Variants in CHD6 observed in about 807,000 individuals in gnomAD.
CHD6 encodes the protein ATP-dependent chromatin remodeler CHD6.
A neutral mutation model predicts 276.9 loss-of-function variants in CHD6; 50 were observed. The ratio of observed to expected loss-of-function variants is 0.18; its 90% CI spans 0.14 to 0.23. CHD6 has a LOEUF of 0.23. Among genes scored for constraint, CHD6 ranks in the 10% least tolerant of loss-of-function variants. The pLI is 1.00. For synonymous variants in CHD6, 1,173 were observed against 1,229.3 expected, an observed-to-expected ratio of 0.95 and a Z score of 0.96; for missense variants, 2,564 against 3,365.8, an observed-to-expected ratio of 0.76 and a Z score of 5.89.
At chr20:41,483,019 T>C (rs2043329320) in intron 16 of CHD6, among the ~76,000 whole-genome samples, 1 of 152,182 alleles carries the variant, frequency 6.6e-6, no homozygotes, top group Non-Finnish European at 1.5e-5. Flanking sequence ...CTAATGCTAT[T>C]TGAATTATTT....
chr20:41,418,359 C>T (rs2145441767), intron 31 of CHD6, among the ~76,000 whole-genome samples: 1 of 152,226 alleles, frequency 6.6e-6, no homozygotes, highest in South Asian at 2.1e-4. Context: ...GTTAGAGAGT[C>T]TCTCGGAGGA....
Position 41,512,957 on chromosome 20 carries a change from G to C in CHD6, c.741C>G (p.Tyr247Ter). ...RSGRQVKRRK[Y>*]NEDLDFKVVD... is the part of the protein sequence containing the mutation. ...CCACTTTGAAGTCCAGGTCCTCATT[G>C]TATTTTCTGCGCTTTACTTGCCTTC... Residue 247 changes from tyrosine to a stop codon, truncating the protein, a stop_gained, in exon 5 of 37, where the codon TAC becomes TAG. Coordinates refer to ENST00000373233, the MANE Select transcript of CHD6 (RefSeq NM_032221.5). LOFTEE classifies it high-confidence loss of function. The C allele has an allele frequency of 6.2e-7, 1 of 1,614,040 alleles. No homozygotes were observed. The highest frequency in any genetic ancestry group is 8.5e-7 in the Non-Finnish European group (1 of 1,179,940).
chr20:41,575,640 C>T (rs1221453684), intron 1 of CHD6, among the ~76,000 whole-genome samples: 1 of 152,162 alleles, frequency 6.6e-6, no homozygotes, highest in Non-Finnish European at 1.5e-5. Context: ...AAACAAAAAA[C>T]ACCATTAACG....
intron 20 of CHD6, 116 bp from the exon 21 acceptor site, chr20:41,453,058 A>G (rs2048286647): frequency 3.9e-6 from 3 of 763,706 alleles, no homozygotes; most frequent in Non-Finnish European, 6.7e-6. Flanking sequence ...CTCATCCTCC[A>G]GCACGAAGGG....
At chr20:41,517,742 C>T (rs534963847) in intron 3 of CHD6, among the ~76,000 whole-genome samples, 1 of 152,264 alleles carries the variant, frequency 6.6e-6, no homozygotes, top group South Asian at 2.1e-4. Context: ...ATGAGGGAGC[C>T]AGGACAAATA....
chr20:41,593,869 T>A (rs1436646842), intron 1 of CHD6, among the ~76,000 whole-genome samples: 1 of 152,120 alleles, frequency 6.6e-6, no homozygotes, highest in Non-Finnish European at 1.5e-5. Context: ...CCTGCTGACA[T>A]CTTGATCTTG....
chr20:41,522,577 C>A (rs1291578683), intron 3 of CHD6, among the ~76,000 whole-genome samples: 2 of 152,080 alleles, frequency 1.3e-5, no homozygotes, highest in Non-Finnish European at 2.9e-5. Context: ...GAAAGACACA[C>A]TGATGTATTT....
intron 5 of CHD6, among the ~76,000 whole-genome samples, chr20:41,505,222 G>T (rs1305610955): frequency 6.6e-6 from 1 of 152,154 alleles, no homozygotes; most frequent in East Asian, 1.9e-4. Flanking sequence ...GTATTTTGTG[G>T]TAGGTCCATT....
rs200486940 is a variant in CHD6 at position 41,420,730 on chromosome 20, T to C, written c.5905A>G (p.Lys1969Glu). The stretch of plus-strand genomic sequence containing the variant: ...ATGGCGATAGTATTGGTTTTACTTT[T>C]GAACAGATCTGGGATATAAGCCTTG... The part of the protein sequence containing the change: ...KPKAYIPDLF[K>E]SKTNTIAMEG... The change falls in exon 31 of 37, where the codon AAA becomes GAA. Residue 1969 changes from lysine (K) to glutamate (E), a missense_variant. Around this residue, in one of 7 missense-constraint regions of CHD6, gnomAD observed 1,024 missense variants for 1,047.9 expected, o/e 0.98. Transcript: ENST00000373233. The C allele has an allele frequency of 1.2e-6, 2 of 1,614,144 alleles. No homozygotes were observed. The highest frequency in any genetic ancestry group is 2.7e-5 in the African/African-American group (2 of 74,946).
At chr20:41,480,153 C>T (rs924706053) in intron 16 of CHD6, among the ~76,000 whole-genome samples, 2 of 152,142 alleles carry the variant, frequency 1.3e-5, no homozygotes, top group African/African-American at 4.8e-5. Flanking sequence ...ACATGGAATC[C>T]ACCAACAAGA....
chr20:41,507,863 A>G (rs965672001), intron 5 of CHD6, among the ~76,000 whole-genome samples: 7 of 152,174 alleles, frequency 4.6e-5, no homozygotes, highest in Admixed American at 2.0e-4. Context: ...ACTTCTATTT[A>G]GCAAACCATA....
At chr20:41,520,000 A>C (rs955935506) in intron 3 of CHD6, among the ~76,000 whole-genome samples, 9 of 152,218 alleles carry the variant, frequency 5.9e-5, no homozygotes, top group African/African-American at 2.2e-4. Context: ...CCCATCAAAA[A>C]ATGGGTGAAG....
rs151263679 is a variant in CHD6 at position 41,604,507 on chromosome 20, G to A, written c.-24+13833C>T. Among the ~76,000 whole-genome samples the A allele has an allele frequency of 1.5e-4, 23 of 152,300 alleles. No homozygotes were observed. In the East Asian group the frequency reaches 4.4e-3, roughly 29 times the overall value. ...AACTCTTCAGGTTGCAGATGTCTTA[G>A]AGTTGGCTATGAAAATCATTTCCTA... On this transcript the variant is annotated intron_variant, in intron 1 of 36. Transcript: ENST00000373233.
At chr20:41,414,437 G>A (rs1370127480) in intron 34 of CHD6, 2 of 159,046 alleles carry the variant, frequency 1.3e-5, no homozygotes, top group African/African-American at 4.8e-5. Flanking sequence ...GTAAGCAGTA[G>A]GCACTCAATA....
intron 5 of CHD6, among the ~76,000 whole-genome samples, chr20:41,509,963 G>A (rs933330974): frequency 1.3e-5 from 2 of 152,218 alleles, no homozygotes; most frequent in Non-Finnish European, 2.9e-5. Flanking sequence ...CAATCCTGAG[G>A]TTGTGATCTG....
Position 41,509,048 on chromosome 20 carries a change from T to C in CHD6, c.852+3798A>G, listed in dbSNP as rs141490392. Among the ~76,000 whole-genome samples, 17 of 152,208 alleles carry C rather than the reference T, an allele frequency of 1.1e-4. No individual in the cohort carries two copies. The East Asian group carries it at 3.1e-3, about 28-fold the overall frequency. ...AGTTCTACCTATGCTAAGCAAAAAT[T>C]ACAATAAATTAAAAAGTGATGCCTG... On this transcript the variant is annotated intron_variant, in intron 5 of 36. Transcript: ENST00000373233.
rs2145665364 is a variant in CHD6, at chr20:41,452,071, G to T, written c.3324-46C>A. 6.8e-7 allele frequency: 1 copy of T among 1,467,542 alleles called. No individual in the cohort carries two copies. Among genetic ancestry groups the T allele is most frequent in the Non-Finnish European group, 9.5e-7 (1 of 1,051,220 alleles). The allele number at this position is 1,467,542 out of a possible 1,614,324, so 90.9% of individuals were successfully genotyped here. ...AGGTGTTGGAGGGAGAATGGACCAG[G>T]CCATGCAGGCAGCCTCCCCACAGGA... is the stretch of plus-strand genomic sequence containing the variant. On this transcript the variant is annotated intron_variant, in intron 21 of 36. Coordinates refer to ENST00000373233, the MANE Select transcript of CHD6 (RefSeq NM_032221.5). The surrounding 1 kb of genome is among the most constrained non-coding windows in gnomAD (Gnocchi z 4.2).
At chr20:41,590,032 C>A (rs571712865) in intron 1 of CHD6, among the ~76,000 whole-genome samples, 1 of 152,136 alleles carries the variant, frequency 6.6e-6, no homozygotes, top group South Asian at 2.1e-4. Flanking sequence ...ACCAATGGAA[C>A]AGAACAGAGC....
intron 1 of CHD6, among the ~76,000 whole-genome samples, chr20:41,607,378 CCTTT>C (rs2045840573): frequency 6.6e-6 from 1 of 152,172 alleles, no homozygotes; most frequent in Non-Finnish European, 1.5e-5. Context: ...TGGCAGTTTA[CCTTT>C]CTGTCTCTTC....
Sources: allele counts gnomAD v4.1 joint callset (sites outside exome capture counted in the v4.1 genomes callset), GRCh38; gene constraint gnomAD v4.1.1; regional missense constraint gnomAD v4.1.1; non-coding constraint Gnocchi (gnomAD v3.1); transcripts MANE v1.5; gene names NCBI Gene and HGNC (gene_info 2026-07-23, HGNC 2026-07-21).